PPIP5K2: variants seen among roughly 807,000 people sequenced by gnomAD.
PPIP5K2 encodes the protein diphosphoinositol pentakisphosphate kinase 2, also known as inositol hexakisphosphate and diphosphoinositol-pentakisphosphate kinase 2.
A neutral mutation model predicts 154.6 loss-of-function variants in PPIP5K2; 105 were observed. The ratio of observed to expected loss-of-function variants is 0.68; its 90% confidence interval spans 0.58 to 0.80. The LOEUF is 0.80. PPIP5K2 is among the 30% of genes least tolerant of loss of function. PPIP5K2 has a pLI of 0.00. For synonymous variants in PPIP5K2, 480 were observed against 490.3 expected, an observed-to-expected ratio of 0.98 and a Z score of 0.28; for missense variants, 992 against 1,504.6, an observed-to-expected ratio of 0.66 and a Z score of 5.64.
chr5:103,180,640 G>A (rs1799371687), intron 24 of PPIP5K2, among the ~76,000 whole-genome samples: 3 of 151,988 alleles, frequency 2.0e-5, no homozygotes, highest in Admixed American at 2.0e-4. Flanking sequence ...ATGAGGTCAG[G>A]AGATCGAGAC....
intron 2 of PPIP5K2, 137 bp downstream of exon 2, chr5:103,129,840 T>G (rs951610041): frequency 9.1e-5 from 108 of 1,190,750 alleles, no homozygotes; most frequent in Non-Finnish European, 1.1e-4. Context: ...TGTTGTTGAA[T>G]CTATGATGAA....
At chr5:103,136,458 A>T (rs1554204239) in intron 3 of PPIP5K2, among the ~76,000 whole-genome samples, 1 of 152,214 alleles carries the variant, frequency 6.6e-6, no homozygotes, top group African/African-American at 2.4e-5. Flanking sequence ...ACCTTATTTC[A>T]GGTGACTGAC....
At chr5:103,188,046 T>A (rs1375022156) in intron 28 of PPIP5K2, among the ~76,000 whole-genome samples, 1 of 152,148 alleles carries the variant, frequency 6.6e-6, no homozygotes, top group East Asian at 1.9e-4. Flanking sequence ...GGACTCCTGA[T>A]AGGAAGAAGA....
chr5:103,173,142 AT>A lies in PPIP5K2; in HGVS notation c.2287-7del, dbSNP rs782717548. 3.8e-6 allele frequency: 6 copies of A among 1,577,106 alleles called. No individual in the cohort carries two copies. The African/African-American group carries it at 6.9e-5, about 18-fold the overall frequency. On this transcript the variant is annotated splice_polypyrimidine_tract_variant and intron_variant, in intron 19 of 30. Transcript: ENST00000358359. ...TTATATCCTTTTTCTAATGTCATGT[AT>A]TTTTTGCTCAGGAATATGGTATAAC... is the stretch of plus-strand genomic sequence containing the variant.
At chr5:103,162,074 A>T (rs1796355151) in intron 17 of PPIP5K2, among the ~76,000 whole-genome samples, 2 of 152,110 alleles carry the variant, frequency 1.3e-5, no homozygotes, top group Admixed American at 6.6e-5. Flanking sequence ...TGCTCCACAT[A>T]TTCTCCATTC....
chr5:103,189,193 T>G, intron 28 of PPIP5K2: 2 of 1,531,730 alleles, frequency 1.3e-6, no homozygotes, highest in Non-Finnish European at 1.7e-6. Flanking sequence ...TAGGTGCTGG[T>G]CCGTTTCCTC....
At position 103,146,668 on chromosome 5, in the gene PPIP5K2, G is replaced by T; in HGVS notation, c.629G>T (p.Arg210Ile). The change falls in exon 6 of 31, where the codon AGA becomes ATA. Residue 210 changes from arginine to isoleucine, a missense_variant. Physicochemically the swap from Arg to Ile is moderately conservative, Grantham distance 97. Around this residue, in one of 9 missense-constraint regions of PPIP5K2, gnomAD observed 51 missense variants for 152.2 expected, o/e 0.33. Coordinates refer to ENST00000358359, the MANE Select transcript of PPIP5K2 (RefSeq NM_001276277.3). Reference sequence around the variant, plus strand: ...ACTTCTGCTGGTGGTGGAAGTCAAAGACTCTTTAGAAAGGTAACACCTTTG... The same window carrying T: ...ACTTCTGCTGGTGGTGGAAGTCAAATACTCTTTAGAAAGGTAACACCTTTG... Reference protein sequence around the residue: ...YPTSAGGGSQRLFRKIGSRSS... With the variant: ...YPTSAGGGSQILFRKIGSRSS... 6.2e-7 allele frequency: 1 copy of T among 1,610,348 alleles called. No homozygotes were observed. The highest frequency in any genetic ancestry group is 8.5e-7 in the Non-Finnish European group (1 of 1,178,188).
Position 103,211,847 on chromosome 5 carries a change from A to G in PPIP5K2, c.*10213A>G, listed in dbSNP as rs1400764638. 1.3e-5 allele frequency: 2 copies of G among 152,130 alleles called. No individual in the cohort carries two copies. Among genetic ancestry groups the G allele is most frequent in the Non-Finnish European group, 2.9e-5 (2 of 67,972 alleles). The allele number at this position is 152,130 out of a possible 1,614,324, so 9.4% of individuals were successfully genotyped here. ...AGTTCATGGCAAAATAACCCACATA[A>G]TTAACTGCTTTGTTACAAAAACTTG... On this transcript the variant is annotated 3_prime_UTR_variant, in exon 31 of 31. Coordinates refer to ENST00000358359, the MANE Select transcript of PPIP5K2 (RefSeq NM_001276277.3).
In PPIP5K2 at chr5:103,159,274, G is replaced by C. The variant is rs1795862796; in HGVS notation, c.1866G>C (p.Arg622Ser). The C allele has an allele frequency of 7.4e-6, 12 of 1,613,050 alleles. No individual in the cohort carries two copies. The highest frequency in any genetic ancestry group is 1.0e-5 in the Non-Finnish European group (12 of 1,179,644). The change falls in exon 17 of 31, where the codon AGG becomes AGC. Residue 622 changes from arginine (R) to serine (S), a missense_variant. This residue lies in a region of PPIP5K2 where 82 missense variants were observed against 91.8 expected (regional missense o/e 0.89). Transcript: ENST00000358359. ...GTTGTCAGCAACGTGTGAAGGCAAG[G>C]CTTCATGAAATACTTCAGAAAGACA... ...LSSCQQRVKA[R>S]LHEILQKDRD...
At chr5:103,196,153 C>T (rs1554228462) in intron 30 of PPIP5K2, among the ~76,000 whole-genome samples, 1 of 152,128 alleles carries the variant, frequency 6.6e-6, no homozygotes, top group African/African-American at 2.4e-5. Context: ...GCATTCATGC[C>T]ATTTTTTTCT....
chr5:103,122,027 C>T (rs1437157891), intron 1 of PPIP5K2, among the ~76,000 whole-genome samples: 5 of 152,122 alleles, frequency 3.3e-5, no homozygotes, highest in African/African-American at 1.2e-4. Context: ...TACATACTAA[C>T]GTACTTAGAG....
chr5:103,125,878 C>T (rs781843407), intron 1 of PPIP5K2, among the ~76,000 whole-genome samples: 2 of 152,224 alleles, frequency 1.3e-5, no homozygotes, highest in African/African-American at 2.4e-5. Context: ...AGTGATCCGC[C>T]TGCCTCAGCT....
chr5:103,190,935 C>T lies in PPIP5K2; in HGVS notation c.3446C>T (p.Ser1149Phe). 2 of 1,610,492 alleles carry T rather than the reference C, an allele frequency of 1.2e-6. No individual in the cohort carries two copies. Among genetic ancestry groups the T allele is most frequent in the Non-Finnish European group, 1.7e-6 (2 of 1,178,080 alleles). The part of the protein sequence containing the change: ...SLKQVDEFLA[S>F]IASPSSDVPR... ...AAGCAAGTGGATGAATTTCTTGCTT[C>T]CATTGCTTCTCCATCATCTGACGTT... The change falls in exon 29 of 31, where the codon TCC (serine) becomes TTC (phenylalanine). Residue 1149 changes from serine (S) to phenylalanine (F), a missense_variant. Coordinates refer to ENST00000358359, the MANE Select transcript of PPIP5K2 (RefSeq NM_001276277.3).
chr5:103,149,334 A>C, intron 8 of PPIP5K2, 21 bp downstream of exon 8: 1 of 1,577,306 alleles, frequency 6.3e-7, no homozygotes, highest in Non-Finnish European at 8.6e-7. Context: ...ATACAGGCCT[A>C]TAGATCCTTA....
chr5:103,146,456 G>C (rs569538153), intron 5 of PPIP5K2, 71 bp from the exon 6 acceptor site: 3 of 1,436,576 alleles, frequency 2.1e-6, no homozygotes, highest in Non-Finnish European at 1.9e-6. Flanking sequence ...AAAAGTCCTC[G>C]ATAATAATGT....
chr5:103,146,329 C>T (rs551978514), intron 5 of PPIP5K2, among the ~76,000 whole-genome samples, 198 bp from the exon 6 acceptor site: 14 of 152,064 alleles, frequency 9.2e-5, no homozygotes, highest in Admixed American at 1.3e-4. Flanking sequence ...TTTTGAAGAA[C>T]TATAGCTTTT....
At chr5:103,128,189 C>T (rs1790033623) in intron 1 of PPIP5K2, among the ~76,000 whole-genome samples, 1 of 151,986 alleles carries the variant, frequency 6.6e-6, no homozygotes, top group South Asian at 2.1e-4. Flanking sequence ...TGGAGTTATG[C>T]TTTTAATTCT....
chr5:103,180,243 TA>T, intron 24 of PPIP5K2, 55 bp downstream of exon 24: 1 of 1,385,476 alleles, frequency 7.2e-7, no homozygotes, highest in Non-Finnish European at 9.5e-7. Context: ...TATATTTTAA[TA>T]AAACAGAAAA....
At chr5:103,154,553 A>G (rs1453735362) in intron 11 of PPIP5K2, 117 bp from the exon 12 acceptor site, 1 of 618,424 alleles carries the variant, frequency 1.6e-6, no homozygotes, top group Non-Finnish European at 2.7e-6. Context: ...AGTACTTGAA[A>G]TCCTTAGATC....
Sources: gnomAD v4.1 joint callset for allele counts (sites outside exome capture counted in the v4.1 genomes callset) on GRCh38, gnomAD v4.1.1 for gene constraint, gnomAD v4.1.1 regional missense constraint, MANE v1.5 for transcripts, NCBI Gene and HGNC (gene_info 2026-07-23, HGNC 2026-07-21) for gene names.